The following COIL variants were observed in gnomAD, a reference collection of about 807,000 sequenced individuals.
COIL encodes coilin p80.
In COIL, 28 loss-of-function variants were observed where a neutral mutation model predicts 51.6. The observed-to-expected ratio is 0.54, with a 90% CI of 0.40 to 0.74. The LOEUF is 0.74. Among genes scored for constraint, COIL ranks in the 30% least tolerant of loss-of-function variants. The pLI is 0.00. For missense variants in COIL, 667 were observed against 685.9 expected (o/e 0.97, Z 0.31); for synonymous variants, 233 against 255.8 (o/e 0.91, Z 0.85).
At position 56,950,177 on chromosome 17, in the gene COIL, T is replaced by A; in HGVS notation, c.1065A>T (p.Pro355=). The change falls in exon 2 of 7, where the codon CCA becomes CCT. Residue 355 remains proline (P), a synonymous_variant. Transcript: ENST00000240316. The part of the protein sequence containing the change: ...GLFAGRGRPG[P]GLSSQTAGAA... ...CACCTGCAGTCTGTGATGACAGCCC[T>A]GGGCCTGGACGACCTCTTCCTGCAA... The A allele has an allele frequency of 3.9e-5, 63 of 1,614,180 alleles. No homozygotes were observed. The highest frequency in any genetic ancestry group is 5.3e-5 in the Non-Finnish European group (62 of 1,180,038).
In COIL at chr17:56,960,872, C is replaced by T; in HGVS notation, c.148G>A (p.Gly50Ser). ...CCTAGGAAGGCCCCAGAACTGAAGC[C>T]GAAGCGCTGGCGGATGAGACTAATG... ...DLISLIRQRF[G>S]FSSGAFLGLY... Residue 50 changes from glycine to serine, a missense_variant, in exon 1 of 7, where the codon GGC becomes AGC. By Grantham distance (56) the Gly-to-Ser change is moderately conservative. Transcript: ENST00000240316. The T allele has an allele frequency of 6.2e-7, 1 of 1,614,040 alleles. No homozygotes were observed. Among genetic ancestry groups the T allele is most frequent in the Non-Finnish European group, 8.5e-7 (1 of 1,179,960 alleles).
chr17:56,942,674 C>T (rs1261186977), intron 5 of COIL, among the ~76,000 whole-genome samples: 1 of 152,156 alleles, frequency 6.6e-6, no homozygotes, highest in Non-Finnish European at 1.5e-5. Context: ...CACCACTATG[C>T]CCAGCTAATT....
At chr17:56,943,514 C>T (rs943684354) in intron 5 of COIL, among the ~76,000 whole-genome samples, 2 of 152,144 alleles carry the variant, frequency 1.3e-5, no homozygotes, top group African/African-American at 4.8e-5. Context: ...TTCGATTATA[C>T]GTGTTGTAAA....
chr17:56,955,315 G>A (rs146759515), intron 1 of COIL, among the ~76,000 whole-genome samples: 6 of 152,234 alleles, frequency 3.9e-5, no homozygotes, highest in Non-Finnish European at 8.8e-5. Flanking sequence ...CGCCCGCCTC[G>A]GCCTCCCAAA....
chr17:56,942,062 C>T lies in COIL; in HGVS notation c.1620G>A (p.Val540=), dbSNP rs370817907. The change falls in exon 6 of 7, where the codon GTG becomes GTA. Residue 540 remains valine (V), a synonymous_variant. Transcript: ENST00000240316. The stretch of plus-strand genomic sequence containing the variant: ...TGCTCTCCTGTGTCACAGCGTACTC[C>T]ACTACCTCGGCTCCATTTTCATTGT... ...VYHNENGAEV[V]EYAVTQESKI... The T allele has an allele frequency of 6.2e-7, 1 of 1,614,060 alleles. No homozygotes were observed. The highest frequency in any genetic ancestry group is 8.5e-7 in the Non-Finnish European group (1 of 1,180,010).
chr17:56,944,132 A>G (rs1219159828), intron 5 of COIL, among the ~76,000 whole-genome samples: 3 of 151,528 alleles, frequency 2.0e-5, no homozygotes, highest in Non-Finnish European at 4.4e-5. Context: ...CCCCGAAGCC[A>G]TTTCTTGATG....
At position 56,960,948 on chromosome 17, in the gene COIL, C is replaced by G. The variant is rs1302529692; in HGVS notation, c.72G>C (p.Thr24=). 1 of 1,614,176 alleles carries G rather than the reference C, an allele frequency of 6.2e-7. No individual in the cohort carries two copies. The highest frequency in any genetic ancestry group is 8.5e-7 in the Non-Finnish European group (1 of 1,180,028). The stretch of plus-strand genomic sequence containing the variant: ...TCAAGTCGACCAGAAGCCAGAAGGC[C>G]GTACAGTGCGGGGTAGCTGGCGGCG... ...DYPPPATPHC[T]AFWLLVDLNR... Residue 24 remains threonine (T), a synonymous_variant, in exon 1 of 7, where the codon ACG becomes ACC. Transcript: ENST00000240316.
intron 1 of COIL, among the ~76,000 whole-genome samples, chr17:56,959,817 C>T (rs1198001460): frequency 6.6e-6 from 1 of 152,250 alleles, no homozygotes; most frequent in African/African-American, 2.4e-5. Flanking sequence ...CGCGGATGTG[C>T]TAAATCAAGG....
intron 6 of COIL, among the ~76,000 whole-genome samples, chr17:56,939,618 T>C (rs781448001): frequency 1.3e-5 from 2 of 152,042 alleles, no homozygotes; most frequent in Non-Finnish European, 2.9e-5. Context: ...CGCATGCCTG[T>C]AGTCCCAGCT....
Position 56,950,315 on chromosome 17 carries a change from G to A in COIL, c.927C>T (p.Thr309=), listed in dbSNP as rs977196280. Residue 309 remains threonine, a synonymous_variant, in exon 2 of 7, where the codon ACC becomes ACT. Coordinates refer to ENST00000240316, the MANE Select transcript of COIL (RefSeq NM_004645.3). ...CTGAACTGGAAGATGTTGTTCCAGA[G>A]GTCTTGCCCTTGCTGGGGGTAAGGC... The part of the protein sequence containing the change: ...GFSLTPSKGK[T]SGTTSSSSDS... 6.2e-7 allele frequency: 1 copy of A among 1,614,238 alleles called. No individual in the cohort carries two copies. Among genetic ancestry groups the A allele is most frequent in the Non-Finnish European group, 8.5e-7 (1 of 1,180,052 alleles).
At chr17:56,948,063 C>T (rs1413049488) in intron 4 of COIL, among the ~76,000 whole-genome samples, 1 of 151,912 alleles carries the variant, frequency 6.6e-6, no homozygotes, top group Non-Finnish European at 1.5e-5. Flanking sequence ...AAACAAAACA[C>T]CAACGACCTA....
chr17:56,953,138 ACG>A (rs1567853863), intron 1 of COIL, among the ~76,000 whole-genome samples: 4 of 151,410 alleles, frequency 2.6e-5, no homozygotes, highest in African/African-American at 9.8e-5. Flanking sequence ...CAGGCTGGGC[ACG>A]GTGGCTCACG....
chr17:56,960,785 CGTT>C lies in COIL; in HGVS notation c.232_234del (p.Asn78del), dbSNP rs2030940882. 3.8e-6 allele frequency: 6 copies of C among 1,577,672 alleles called. No individual in the cohort carries two copies. The highest frequency in any genetic ancestry group is 2.4e-5 in the East Asian group (1 of 42,292). On this transcript the variant is annotated inframe_deletion, in exon 1 of 7. Transcript: ENST00000240316. ...CCCTGCGCCGCGCACCTGAGGCAGT[CGTT>C]GTCTCTCACAAGGCGCGCGCTCTCG...
chr17:56,953,185 G>A (rs1910407331), intron 1 of COIL, among the ~76,000 whole-genome samples: 2 of 152,058 alleles, frequency 1.3e-5, no homozygotes, highest in South Asian at 2.1e-4. Flanking sequence ...GTCAAGGTGG[G>A]TGGATCACAA....
chr17:56,945,129 A>C (rs1199187357), intron 5 of COIL, among the ~76,000 whole-genome samples: 3 of 152,230 alleles, frequency 2.0e-5, no homozygotes, highest in Non-Finnish European at 4.4e-5. Flanking sequence ...GCTTGAGGCC[A>C]AGAATTCAAG....
Position 56,946,408 on chromosome 17 carries a change from C to T in COIL, c.1558+34G>A, listed in dbSNP as rs542641740. ...TATTTATAAACCACTGTAGATAGAG[C>T]CTACATTTTCAAATTATTTTCTAAA... On this transcript the variant is annotated intron_variant, in intron 5 of 6. Transcript: ENST00000240316. 6.4e-6 allele frequency: 9 copies of T among 1,401,964 alleles called. No homozygotes were observed. In the South Asian group the frequency reaches 9.4e-5, roughly 15 times the overall value. The allele number at this position is 1,401,964 out of a possible 1,614,324, so 86.8% of individuals were successfully genotyped here.
chr17:56,950,818 T>G lies in COIL; in HGVS notation c.424A>C (p.Asn142His). 1 of 1,614,124 alleles carries G rather than the reference T, an allele frequency of 6.2e-7. No individual in the cohort carries two copies. The highest frequency in any genetic ancestry group is 8.5e-7 in the Non-Finnish European group (1 of 1,180,032). Residue 142 changes from asparagine to histidine, a missense_variant, in exon 2 of 7, where the codon AAT becomes CAT. Asn to His is a moderately conservative substitution (Grantham distance 68, BLOSUM62 1). Transcript: ENST00000240316. The stretch of plus-strand genomic sequence containing the variant: ...GGTTCCAGATCCAAGACCTTCTCAT[T>G]ATTGTTATTGTTCTCTCGACTCTTC... ...HWKSRENNNN[N>H]EKVLDLEPKA...
At chr17:56,940,064 A>G (rs1315197005) in intron 6 of COIL, 1 of 152,144 alleles carries the variant, frequency 6.6e-6, no homozygotes, top group African/African-American at 2.4e-5. Flanking sequence ...GGTCCTATGA[A>G]TGAATAATGA....
chr17:56,956,049 A>G (rs1910476797), intron 1 of COIL, among the ~76,000 whole-genome samples: 1 of 152,246 alleles, frequency 6.6e-6, no homozygotes, highest in Non-Finnish European at 1.5e-5. Flanking sequence ...GTTTAAAAGT[A>G]TAAGTACATA....
Sources: gnomAD v4.1 joint callset for allele counts (sites outside exome capture counted in the v4.1 genomes callset) on GRCh38, gnomAD v4.1.1 for gene constraint, MANE v1.5 for transcripts, NCBI Gene and HGNC (gene_info 2026-07-23, HGNC 2026-07-21) for gene names.